ZNF609: variants seen among roughly 807,000 people sequenced by gnomAD.
ZNF609 encodes the protein zinc finger protein 609.
In ZNF609, 11 loss-of-function variants were observed where a neutral mutation model predicts 109.5. That is an observed-to-expected ratio of 0.10 (90% CI 0.06 to 0.17). ZNF609 has a LOEUF of 0.17. ZNF609 is among the 10% of genes least tolerant of loss of function. ZNF609 has a pLI of 1.00. For missense variants in ZNF609, 1,559 were observed against 1,772.4 expected (o/e 0.88, Z 2.16); for synonymous variants, 646 against 662.0 (o/e 0.98, Z 0.37).
At chr15:64,557,184 ATTC>A (rs1894603149) in intron 2 of ZNF609, among the ~76,000 whole-genome samples, 1 of 72,952 alleles carries the variant, frequency 1.4e-5, no homozygotes, top group Admixed American at 2.3e-4. Context: ...CTTTTTTCTT[ATTC>A]TTCTTTTTTT....
chr15:64,579,961 A>G (rs1226727859), intron 2 of ZNF609, among the ~76,000 whole-genome samples: 3 of 152,236 alleles, frequency 2.0e-5, no homozygotes, highest in Non-Finnish European at 4.4e-5. Context: ...TATTCCCTGG[A>G]ACCTGTGAAT....
intron 2 of ZNF609, among the ~76,000 whole-genome samples, chr15:64,574,577 A>G (rs1311697194): frequency 1.3e-5 from 2 of 152,190 alleles, no homozygotes; most frequent in Non-Finnish European, 2.9e-5. Context: ...TCTGGACTAC[A>G]TATCTTTATT....
At chr15:64,486,519 G>T (rs1238052294) in intron 1 of ZNF609, among the ~76,000 whole-genome samples, 1 of 77,642 alleles carries the variant, frequency 1.3e-5, no homozygotes, top group Non-Finnish European at 3.0e-5. Context: ...GTGAGACTCT[G>T]TCTCCAAAAA....
intron 2 of ZNF609, among the ~76,000 whole-genome samples, chr15:64,517,290 T>A (rs913152778): frequency 1.3e-5 from 2 of 152,082 alleles, no homozygotes; most frequent in African/African-American, 4.8e-5. Context: ...GGCAGGAGAA[T>A]CACTTGAACC....
intron 2 of ZNF609, among the ~76,000 whole-genome samples, chr15:64,575,813 A>T (rs1894942022): frequency 6.6e-6 from 1 of 152,146 alleles, no homozygotes; most frequent in South Asian, 2.1e-4. Context: ...TAATTACTTG[A>T]TATACTTGGC....
chr15:64,480,224 G>GC (rs1001766030), intron 1 of ZNF609, among the ~76,000 whole-genome samples: 9 of 149,670 alleles, frequency 6.0e-5, no homozygotes, highest in African/African-American at 1.5e-4. Flanking sequence ...GGGCAACAGA[G>GC]CAAGACTCCA....
At position 64,580,034 on chromosome 15, in the gene ZNF609, G is replaced by A. The variant is rs1006814127; in HGVS notation, c.748-42793G>A. On this transcript the variant is annotated intron_variant, in intron 2 of 9. Coordinates refer to ENST00000326648, the MANE Select transcript of ZNF609 (RefSeq NM_015042.2). Reference sequence around the variant, plus strand: ...GATTAAATTAAGGATTTTGAGGTGGGGGGATTAGCTTAGATTATCCAATGG... The same window carrying A: ...GATTAAATTAAGGATTTTGAGGTGGAGGGATTAGCTTAGATTATCCAATGG... Among the ~76,000 whole-genome samples the A allele has an allele frequency of 2.4e-4, 37 of 152,144 alleles. 1 individual carries two copies. The highest frequency in any genetic ancestry group is 5.9e-5 in the Non-Finnish European group (4 of 68,024).
At chr15:64,622,216 A>G (rs918814497) in intron 2 of ZNF609, among the ~76,000 whole-genome samples, 4 of 152,202 alleles carry the variant, frequency 2.6e-5, no homozygotes, top group South Asian at 2.1e-4. Flanking sequence ...AGAAATTCCC[A>G]CCAGGTTAAT....
At chr15:64,485,878 A>C (rs953595301) in intron 1 of ZNF609, among the ~76,000 whole-genome samples, 16 of 152,212 alleles carry the variant, frequency 1.1e-4, no homozygotes, top group Admixed American at 5.9e-4. Flanking sequence ...GCTAAAGTAC[A>C]ATATCATAAT....
intron 2 of ZNF609, among the ~76,000 whole-genome samples, chr15:64,532,234 A>G (rs748637208): frequency 5.3e-5 from 8 of 152,186 alleles, no homozygotes; most frequent in African/African-American, 1.7e-4. Flanking sequence ...GAAATTTGCA[A>G]CCACCTCTGT....
At chr15:64,573,823 AT>A in intron 2 of ZNF609, among the ~76,000 whole-genome samples, 1 of 151,926 alleles carries the variant, frequency 6.6e-6, no homozygotes. Flanking sequence ...TAAAATATTC[AT>A]TTTTTTCCTT....
intron 2 of ZNF609, among the ~76,000 whole-genome samples, chr15:64,540,039 G>A (rs1204595359): frequency 6.6e-6 from 1 of 152,206 alleles, no homozygotes; most frequent in Non-Finnish European, 1.5e-5. Flanking sequence ...TCCCAAAGTG[G>A]TGGGATTACA....
chr15:64,629,516 T>G (rs944436497), intron 3 of ZNF609, among the ~76,000 whole-genome samples: 2 of 152,186 alleles, frequency 1.3e-5, no homozygotes. Flanking sequence ...GTAAAATTGC[T>G]TCTGTAGCTC....
At chr15:64,461,036 C>T in intron 1 of ZNF609, among the ~76,000 whole-genome samples, 198 bp downstream of exon 1, 1 of 35,884 alleles carries the variant, frequency 2.8e-5, no homozygotes, top group Non-Finnish European at 5.3e-5. Flanking sequence ...GGGGAGGGGG[C>T]GTCGAGGGGC....
intron 5 of ZNF609, among the ~76,000 whole-genome samples, chr15:64,676,857 G>A (rs1015540078): frequency 1.3e-5 from 2 of 148,548 alleles, no homozygotes; most frequent in African/African-American, 5.0e-5. Context: ...AGGTTCACAC[G>A]ATTCTCCTGC....
chr15:64,529,084 C>T lies in ZNF609; in HGVS notation c.747+28918C>T, dbSNP rs74019259. ...GTCCTGGAGAGCCCTGCAGCCATCA[C>T]GTGACAGTTTCCCGGAGGGGCCATT... On this transcript the variant is annotated intron_variant, in intron 2 of 9. Transcript: ENST00000326648. 186 of 1,018,764 alleles carry T rather than the reference C, an allele frequency of 1.8e-4. No individual in the cohort carries two copies. In the African/African-American group the frequency reaches 2.5e-3, roughly 14 times the overall value. The allele number at this position is 1,018,764 out of a possible 1,614,324, so 63.1% of individuals were successfully genotyped here.
At chr15:64,645,083 T>TTCCCTCCC (rs1261279734) in intron 3 of ZNF609, among the ~76,000 whole-genome samples, 12 of 60,074 alleles carry the variant, frequency 2.0e-4, no homozygotes, top group African/African-American at 8.7e-4. Context: ...CTTCCTTTCT[T>TTCCCTCCC]TCCCTCCCTC....
intron 3 of ZNF609, among the ~76,000 whole-genome samples, chr15:64,636,562 T>C (rs1213265114): frequency 6.6e-6 from 1 of 152,274 alleles, no homozygotes; most frequent in African/African-American, 2.4e-5. Flanking sequence ...ATTTTCTAGA[T>C]CATTCAATAT....
intron 3 of ZNF609, among the ~76,000 whole-genome samples, chr15:64,640,983 A>G (rs1896244467): frequency 6.6e-6 from 1 of 152,158 alleles, no homozygotes; most frequent in Admixed American, 6.6e-5. Flanking sequence ...TGTGGGTGTG[A>G]AGTGGTTTAC....
Sources: gnomAD v4.1 joint callset for allele counts (sites outside exome capture counted in the v4.1 genomes callset) on GRCh38, gnomAD v4.1.1 for gene constraint, MANE v1.5 for transcripts, NCBI Gene and HGNC (gene_info 2026-07-23, HGNC 2026-07-21) for gene names.